DGKB: variants seen among roughly 807,000 people sequenced by gnomAD.
DGKB encodes the protein diacylglycerol kinase beta, also known as 90 kDa diacylglycerol kinase.
Under a neutral mutation model 114.3 loss-of-function variants are expected in DGKB, and 67 were observed. The ratio of observed to expected loss-of-function variants is 0.59; its 90% CI spans 0.48 to 0.72. The LOEUF is 0.72. DGKB is among the 30% of genes least tolerant of loss of function. The pLI is 0.00. For missense variants in DGKB, 907 were observed against 975.2 expected, an observed-to-expected ratio of 0.93 and a Z score of 0.93; for synonymous variants, 398 against 323.1, an observed-to-expected ratio of 1.23 and a Z score of -2.49.
intron 21 of DGKB, among the ~76,000 whole-genome samples, chr7:14,407,970 C>G (rs1824213169): frequency 6.6e-6 from 1 of 152,058 alleles, no homozygotes; most frequent in African/African-American, 2.4e-5. Flanking sequence ...CAGTGAAAAA[C>G]AGAAACTACC....
At chr7:14,751,108 T>C (rs1834065339) in intron 4 of DGKB, among the ~76,000 whole-genome samples, 1 of 151,956 alleles carries the variant, frequency 6.6e-6, no homozygotes, top group Admixed American at 6.6e-5. Flanking sequence ...CCACCATACC[T>C]GGCCAAAAAA....
chr7:14,842,255 C>A (rs1333069745), intron 1 of DGKB, among the ~76,000 whole-genome samples: 1 of 152,144 alleles, frequency 6.6e-6, no homozygotes, highest in Non-Finnish European at 1.5e-5. Flanking sequence ...TTAAAGTCAC[C>A]TTACTTCTAC....
At chr7:14,176,051 T>C (rs1781692823) in intron 25 of DGKB, 1 of 152,140 alleles carries the variant, frequency 6.6e-6, no homozygotes, top group African/African-American at 2.4e-5. Context: ...TCTCAAGTAG[T>C]ATTTATTCTC....
At chr7:14,908,658 A>G (rs1359973907) in intron 1 of DGKB, among the ~76,000 whole-genome samples, 1 of 152,148 alleles carries the variant, frequency 6.6e-6, no homozygotes, top group Non-Finnish European at 1.5e-5. Flanking sequence ...GCTTTCTATC[A>G]TATCTTATAT....
At chr7:14,178,179 T>A (rs779721057) in intron 23 of DGKB, 28 bp from the exon 24 acceptor site, 7 of 1,612,318 alleles carry the variant, frequency 4.3e-6, no homozygotes, top group Non-Finnish European at 5.9e-6. Context: ...CCTTTTAAGT[T>A]GCAATGTGTA....
chr7:14,561,050 T>A (rs944745429), intron 20 of DGKB, among the ~76,000 whole-genome samples: 2 of 152,210 alleles, frequency 1.3e-5, no homozygotes, highest in African/African-American at 4.8e-5. Flanking sequence ...TGATACGGTA[T>A]GGCTGTGTCC....
At chr7:14,444,393 A>G (rs1376819409) in intron 21 of DGKB, among the ~76,000 whole-genome samples, 1 of 151,808 alleles carries the variant, frequency 6.6e-6, no homozygotes, top group African/African-American at 2.4e-5. Context: ...AATATCCTGT[A>G]TGACAAAATG....
At chr7:14,332,073 G>T (rs1405576065) in intron 23 of DGKB, among the ~76,000 whole-genome samples, 1 of 152,152 alleles carries the variant, frequency 6.6e-6, no homozygotes, top group Non-Finnish European at 1.5e-5. Flanking sequence ...TCCACATGGG[G>T]CTACTTATCT....
intron 15 of DGKB, among the ~76,000 whole-genome samples, chr7:14,616,889 T>C (rs1052903270): frequency 1.3e-5 from 2 of 151,820 alleles, no homozygotes; most frequent in African/African-American, 4.8e-5. Context: ...TCTGTGGTAG[T>C]TGAAATCTTG....
chr7:14,688,149 A>G (rs1055016721), intron 9 of DGKB, among the ~76,000 whole-genome samples: 17 of 151,830 alleles, frequency 1.1e-4, no homozygotes, highest in African/African-American at 4.1e-4. Context: ...CGTAAACTTA[A>G]TGGGGGAGGG....
At chr7:14,205,544 G>A (rs970573489) in intron 23 of DGKB, among the ~76,000 whole-genome samples, 1 of 151,970 alleles carries the variant, frequency 6.6e-6, no homozygotes, top group Non-Finnish European at 1.5e-5. Flanking sequence ...ATTTGTTAAA[G>A]GTTTTAAAAA....
At chr7:14,665,818 G>T (rs750940613) in intron 13 of DGKB, among the ~76,000 whole-genome samples, 6 of 151,962 alleles carry the variant, frequency 3.9e-5, no homozygotes, top group Non-Finnish European at 7.4e-5. Context: ...AACTTAGAAT[G>T]AATGTAAAAC....
At chr7:14,224,444 T>C (rs1422088595) in intron 23 of DGKB, among the ~76,000 whole-genome samples, 1 of 152,026 alleles carries the variant, frequency 6.6e-6, no homozygotes, top group South Asian at 2.1e-4. Flanking sequence ...TGTGTACTTA[T>C]AATGGCTAAT....
At chr7:14,842,679 G>T (rs1303634366) in intron 1 of DGKB, among the ~76,000 whole-genome samples, 1 of 152,136 alleles carries the variant, frequency 6.6e-6, no homozygotes, top group Admixed American at 6.5e-5. Flanking sequence ...CAGTTTTGGT[G>T]GGACTGTGAA....
rs1786821067 is a variant in DGKB, at chr7:14,961,172, T to C, written c.-188+13524A>G. Among the ~76,000 whole-genome samples the C allele has an allele frequency of 5.3e-5, 8 of 152,268 alleles. No homozygotes were observed. The South Asian group carries it at 1.7e-3, about 32-fold the overall frequency. On this transcript the variant is annotated intron_variant, in intron 1 of 4. Coordinates refer to the DGKB transcript ENST00000437998. Reference sequence around the variant, plus strand: ...TTCTATTTCTGCTTTTTCCTGAATTTTTAACATATTTTGAAAATATTTGCA... The same window carrying C: ...TTCTATTTCTGCTTTTTCCTGAATTCTTAACATATTTTGAAAATATTTGCA...
chr7:14,157,405 T>G (rs1783181438), intron 25 of DGKB, among the ~76,000 whole-genome samples: 1 of 151,766 alleles, frequency 6.6e-6, no homozygotes, highest in Admixed American at 6.6e-5. Context: ...TTCTAGCCAT[T>G]ATTTTCTGGA....
chr7:14,868,011 T>C (rs1468664057), intron 1 of DGKB, among the ~76,000 whole-genome samples: 3 of 152,124 alleles, frequency 2.0e-5, no homozygotes, highest in Non-Finnish European at 2.9e-5. Flanking sequence ...AACAAAACAA[T>C]TGAGATTTGA....
intron 13 of DGKB, among the ~76,000 whole-genome samples, chr7:14,665,021 A>G: frequency 6.6e-6 from 1 of 152,068 alleles, no homozygotes; most frequent in East Asian, 1.9e-4. Flanking sequence ...ACCTTTAAGA[A>G]ATAAAAATAA....
At chr7:14,582,985 C>T in intron 18 of DGKB, 67 bp downstream of exon 18, 1 of 1,004,056 alleles carries the variant, frequency 1.0e-6, no homozygotes, top group Non-Finnish European at 1.6e-6. Context: ...GCAATAGACA[C>T]ATAGATGAAA....
Sources: allele counts gnomAD v4.1 joint callset (sites outside exome capture counted in the v4.1 genomes callset), GRCh38; gene constraint gnomAD v4.1.1; transcripts MANE v1.5; gene names NCBI Gene and HGNC (gene_info 2026-07-23, HGNC 2026-07-21).